Variants in GIMAP4 observed in about 807,000 individuals in gnomAD.
The protein encoded by GIMAP4 is GTPase IMAP family member 4.
A neutral mutation model predicts 10.8 loss-of-function variants in GIMAP4; 12 were observed. That is an observed-to-expected ratio of 1.11 (90% CI 0.71 to 1.81). The LOEUF (loss-of-function observed/expected upper bound fraction) is 1.81, where lower values mean the gene tolerates loss of function less well. Among genes scored for constraint, GIMAP4 ranks in the 40% most tolerant of loss-of-function variants. The probability of loss-of-function intolerance (pLI) is 0.00; values close to 1 mark genes in which losing one functional copy is unlikely to be tolerated. For missense variants in GIMAP4, 412 were observed against 404.6 expected, an observed-to-expected ratio of 1.02 and a Z score of -0.16; for synonymous variants, 149 against 147.2, an observed-to-expected ratio of 1.01 and a Z score of -0.09.
Position 150,573,053 on chromosome 7 carries a change from A to G in GIMAP4, c.983A>G (p.Glu328Gly), listed in dbSNP as rs780952414. The change falls in exon 3 of 3, where the codon GAA becomes GGA. Residue 328 changes from glutamate (E) to glycine (G), a missense_variant. By Grantham distance (98) the Glu-to-Gly change is moderately conservative. Coordinates refer to ENST00000255945, the MANE Select transcript of GIMAP4 (RefSeq NM_018326.3). ...TTTATTTTGTTACGTCTGTTCGCGG[A>G]AGATTAAACTTAATGAAAATCTGTT... ...ASFILLRLFA[E>G]D 1.9e-6 allele frequency: 3 copies of G among 1,575,194 alleles called. No homozygotes were observed. The highest frequency in any genetic ancestry group is 2.6e-6 in the Non-Finnish European group (3 of 1,152,910).
chr7:150,571,299 C>T (rs1426068322), intron 2 of GIMAP4, among the ~76,000 whole-genome samples: 1 of 152,034 alleles, frequency 6.6e-6, no homozygotes, highest in African/African-American at 2.4e-5. Context: ...TTCTTTCATC[C>T]CAGAATTCTG....
Position 150,571,739 on chromosome 7 carries a change from C to A in GIMAP4, c.59-390C>A, listed in dbSNP as rs989284958. 6.6e-5 allele frequency among the ~76,000 whole-genome samples: 10 copies of A among 152,298 alleles called. 1 individual carries two copies. The highest frequency in any genetic ancestry group is 2.2e-4 in the African/African-American group (9 of 41,562). On this transcript the variant is annotated intron_variant, in intron 2 of 2. Transcript: ENST00000255945. ...GAGGTTGTAGTGAGCCGAGATCATG[C>A]CACTGCACTTCAGCCTGGGCAACAA... is the stretch of plus-strand genomic sequence containing the variant.
intron 2 of GIMAP4, 119 bp downstream of exon 2, chr7:150,570,078 A>C (rs1220618198): frequency 2.0e-5 from 14 of 702,858 alleles, no homozygotes; most frequent in Non-Finnish European, 3.6e-5. Flanking sequence ...TCCCCATTTG[A>C]GCAGGAGAAA....
chr7:150,572,092 C>T (rs778321622), intron 2 of GIMAP4, 37 bp from the exon 3 acceptor site: 1 of 1,403,676 alleles, frequency 7.1e-7, no homozygotes, highest in Non-Finnish European at 9.9e-7. Flanking sequence ...GAGGTAGATT[C>T]TAACAGCATG....
chr7:150,573,032 T>C lies in GIMAP4; in HGVS notation c.962T>C (p.Ile321Thr), dbSNP rs753850581. The C allele has an allele frequency of 8.7e-6, 14 of 1,602,886 alleles. No homozygotes were observed. In the South Asian group the frequency reaches 1.6e-4, roughly 18 times the overall value. The part of the protein sequence containing the change: ...IMTALQIASF[I>T]LLRLFAED ...ACAGCGTTACAGATTGCTTCCTTTATTTTGTTACGTCTGTTCGCGGAAGAT... is the reference window on the plus strand; with the variant it reads ...ACAGCGTTACAGATTGCTTCCTTTACTTTGTTACGTCTGTTCGCGGAAGAT... Residue 321 changes from isoleucine to threonine, a missense_variant, in exon 3 of 3, where the codon ATT becomes ACT. By Grantham distance (89) the Ile-to-Thr change is moderately conservative. Coordinates refer to ENST00000255945, the MANE Select transcript of GIMAP4 (RefSeq NM_018326.3).
rs990262608 is a variant in GIMAP4, at chr7:150,573,477, GAGAA to G, written c.*425_*428del. 1 of 155,462 alleles carries G rather than the reference GAGAA, an allele frequency of 6.4e-6. No individual in the cohort carries two copies. The highest frequency in any genetic ancestry group is 2.4e-5 in the African/African-American group (1 of 41,472). The allele number at this position is 155,462 out of a possible 1,614,324, so 9.6% of individuals were successfully genotyped here. ...TGATCATCTTACCCATGTGGTTTTT[GAGAA>G]AGAAAGATCAATTCTTTGTTTGCAG... On this transcript the variant is annotated 3_prime_UTR_variant, in exon 3 of 3. Coordinates refer to ENST00000255945, the MANE Select transcript of GIMAP4 (RefSeq NM_018326.3).
chr7:150,569,763 G>A, intron 1 of GIMAP4, 125 bp from the exon 2 acceptor site: 1 of 594,388 alleles, frequency 1.7e-6, no homozygotes, highest in Non-Finnish European at 3.0e-6. Flanking sequence ...TTTGGGAAAT[G>A]GAGCAGGAGA....
intron 1 of GIMAP4, among the ~76,000 whole-genome samples, chr7:150,569,208 G>A (rs970718128): frequency 1.3e-5 from 2 of 152,182 alleles, no homozygotes; most frequent in Non-Finnish European, 2.9e-5. Context: ...GTAGAAAAGG[G>A]ATTGAAGGGG....
rs373670614 is a variant in GIMAP4, at chr7:150,573,771, C to T, written c.*711C>T. The T allele has an allele frequency of 6.6e-6, 1 of 152,176 alleles. No homozygotes were observed. The allele number at this position is 152,176 out of a possible 1,614,324, so 9.4% of individuals were successfully genotyped here. On this transcript the variant is annotated 3_prime_UTR_variant, in exon 3 of 3. Transcript: ENST00000255945. ...TCTGTAGAAACTCTTTGACGAACCT[C>T]AATTTAACCAATTTGATGAATACCC...
intron 1 of GIMAP4, among the ~76,000 whole-genome samples, chr7:150,568,898 C>T (rs1795695473): frequency 6.6e-6 from 1 of 152,192 alleles, no homozygotes; most frequent in African/African-American, 2.4e-5. Flanking sequence ...TTGGGGAAGA[C>T]TCTCTGGAGA....
rs1175910815 is a variant in GIMAP4, at chr7:150,573,114, A to G, written c.*54A>G. ...GCATATTCTCTGGCAACCTTGCCCC[A>G]TACTTACTTATTTAGCATAGTCGAG... is the stretch of plus-strand genomic sequence containing the variant. On this transcript the variant is annotated 3_prime_UTR_variant, in exon 3 of 3. Transcript: ENST00000255945. 1.4e-5 allele frequency: 16 copies of G among 1,161,060 alleles called. No individual in the cohort carries two copies. Among genetic ancestry groups the G allele is most frequent in the Non-Finnish European group, 1.9e-5 (15 of 797,382 alleles). The allele number at this position is 1,161,060 out of a possible 1,614,324, so 71.9% of individuals were successfully genotyped here.
chr7:150,571,310 G>A (rs2116718544), intron 2 of GIMAP4, among the ~76,000 whole-genome samples: 1 of 152,258 alleles, frequency 6.6e-6, no homozygotes, highest in East Asian at 1.9e-4. Flanking sequence ...CAGAATTCTG[G>A]TTATCAAACG....
rs752853538 is a variant in GIMAP4, at chr7:150,572,097, AG to A, written c.59-31del. On this transcript the variant is annotated intron_variant, in intron 2 of 2. Transcript: ENST00000255945. ...GAATCTATTAGAGGTAGATTCTAACAGCATGGCTTTTTTTTTTTCTTGATGT... is the reference window on the plus strand; with the variant it reads ...GAATCTATTAGAGGTAGATTCTAACACATGGCTTTTTTTTTTTCTTGATGT... The A allele has an allele frequency of 3.7e-5, 53 of 1,432,778 alleles. No homozygotes were observed. The South Asian group carries it at 5.6e-4, about 15-fold the overall frequency. The allele number at this position is 1,432,778 out of a possible 1,614,324, so 88.8% of individuals were successfully genotyped here. A position where few individuals can be genotyped will look rare whatever the true frequency, so the allele number is the denominator to read the frequency against.
In GIMAP4 at chr7:150,573,194, G is replaced by C; in HGVS notation, c.*134G>C. On this transcript the variant is annotated 3_prime_UTR_variant, in exon 3 of 3. Coordinates refer to ENST00000255945, the MANE Select transcript of GIMAP4 (RefSeq NM_018326.3). ...TAACTAAGGACCACCATTGGCCATT[G>C]GTAGATGTTTGATTGACTTAACAAG... The C allele has an allele frequency of 3.3e-6, 2 of 610,286 alleles. No homozygotes were observed. Among genetic ancestry groups the C allele is most frequent in the South Asian group, 4.2e-5 (2 of 47,190 alleles). The allele number at this position is 610,286 out of a possible 1,614,324, so 37.8% of individuals were successfully genotyped here.
intron 2 of GIMAP4, among the ~76,000 whole-genome samples, chr7:150,570,752 C>T (rs1190405445): frequency 1.3e-5 from 2 of 152,026 alleles, no homozygotes; most frequent in Admixed American, 1.3e-4. Context: ...ATAACTGGGC[C>T]TTGTTGTTAT....
At chr7:150,568,604 GATGTGGGCTGGACATA>G (rs1795691550) in intron 1 of GIMAP4, among the ~76,000 whole-genome samples, 1 of 152,188 alleles carries the variant, frequency 6.6e-6, no homozygotes, top group Non-Finnish European at 1.5e-5. Context: ...TCACAGATCA[GATGTGGGCTGGACATA>G]ATGATCAATC....
chr7:150,572,235 G>A lies in GIMAP4; in HGVS notation c.165G>A (p.Val55=). 1 of 1,614,000 alleles carries A rather than the reference G, an allele frequency of 6.2e-7. No individual in the cohort carries two copies. Among genetic ancestry groups the A allele is most frequent in the Non-Finnish European group, 8.5e-7 (1 of 1,179,858 alleles). ...ATGNSILGRK[V]FHSGTAAKSI... ...GAAACAGCATCCTTGGCCGGAAAGT[G>A]TTTCATTCTGGCACTGCAGCAAAAT... The change falls in exon 3 of 3, where the codon GTG becomes GTA. Residue 55 remains valine, a synonymous_variant. Coordinates refer to ENST00000255945, the MANE Select transcript of GIMAP4 (RefSeq NM_018326.3).
intron 1 of GIMAP4, among the ~76,000 whole-genome samples, chr7:150,568,733 C>T (rs1234740006): frequency 5.3e-5 from 8 of 152,154 alleles, no homozygotes; most frequent in Non-Finnish European, 8.8e-5. Context: ...ATGAGAAATA[C>T]AAGACATATG....
At chr7:150,572,101 T>C in intron 2 of GIMAP4, 28 bp from the exon 3 acceptor site, 1 of 1,467,720 alleles carries the variant, frequency 6.8e-7, no homozygotes, top group Non-Finnish European at 9.4e-7. Flanking sequence ...TCTAACAGCA[T>C]GGCTTTTTTT....
Sources: allele counts gnomAD v4.1 joint callset (sites outside exome capture counted in the v4.1 genomes callset), GRCh38; gene constraint gnomAD v4.1.1; transcripts MANE v1.5; gene names NCBI Gene and HGNC (gene_info 2026-07-23, HGNC 2026-07-21).